Variants in EHD2 observed in about 807,000 individuals in gnomAD.
The protein encoded by EHD2 is EH domain-containing protein 2.
In EHD2, 27 loss-of-function variants were observed where a neutral mutation model predicts 41.0. That is an observed-to-expected ratio of 0.66 (90% CI 0.49 to 0.91). The LOEUF is 0.91. EHD2 is among the 40% of genes least tolerant of loss of function. EHD2 has a pLI of 0.00. For missense variants in EHD2, 673 were observed against 773.9 expected, an observed-to-expected ratio of 0.87 and a Z score of 1.55; for synonymous variants, 342 against 341.0, an observed-to-expected ratio of 1.00 and a Z score of -0.03.
In EHD2 at chr19:47,736,466, T is replaced by C; in HGVS notation, c.1013T>C (p.Ile338Thr). Residue 338 changes from isoleucine (I) to threonine (T), a missense_variant, in exon 5 of 6, where the codon ATC becomes ACC. Physicochemically the swap from Ile to Thr is moderately conservative, Grantham distance 89. Coordinates refer to ENST00000263277, the MANE Select transcript of EHD2 (RefSeq NM_014601.4). ...CAGCTGATCCTCAAACTGCCCGTCA[T>C]CTTTGCGAAGATTCAGCTGGAACAT... is the stretch of plus-strand genomic sequence containing the variant. ...KKQLILKLPVIFAKIQLEHHI... is the reference protein window; with the variant it reads ...KKQLILKLPVTFAKIQLEHHI... 6.2e-7 allele frequency: 1 copy of C among 1,612,944 alleles called. No individual in the cohort carries two copies. The highest frequency in any genetic ancestry group is 8.5e-7 in the Non-Finnish European group (1 of 1,179,586).
rs1966985127 is a variant in EHD2 at position 47,741,218 on chromosome 19, A to G, written c.1418A>G (p.Lys473Arg). The G allele has an allele frequency of 1.2e-6, 2 of 1,613,990 alleles. No homozygotes were observed. The highest frequency in any genetic ancestry group is 2.2e-5 in the East Asian group (1 of 44,894). Residue 473 changes from lysine to arginine, a missense_variant, in exon 6 of 6, where the codon AAG (lysine) becomes AGG (arginine). Lys to Arg is a conservative substitution (Grantham distance 26, BLOSUM62 2). Transcript: ENST00000263277. The surrounding 1 kb of genome is among the most constrained non-coding windows in gnomAD (Gnocchi z 4.5). ...GGCAAGCTGAGCGGCTCCAAGGCCA[A>G]GACCTGGATGGTGGGGACCAAGCTC... ...ADGKLSGSKA[K>R]TWMVGTKLPN...
chr19:47,718,568 C>T lies in EHD2; in HGVS notation c.464C>T (p.Pro155Leu), dbSNP rs374864163. The T allele has an allele frequency of 6.9e-6, 11 of 1,583,790 alleles. No homozygotes were observed. The highest frequency in any genetic ancestry group is 1.8e-5 in the Admixed American group (1 of 54,950). Residue 155 changes from proline to leucine, a missense_variant, in exon 3 of 6, where the codon CCG (proline) becomes CTG (leucine). Coordinates refer to ENST00000263277, the MANE Select transcript of EHD2 (RefSeq NM_014601.4). The part of the protein sequence containing the change: ...VLESISIIDT[P>L]GILSGAKQRV... The stretch of plus-strand genomic sequence containing the variant: ...GAGAGCATCAGCATCATCGACACCC[C>T]GGGTATCCTGTCGGGTGCCAAGCAG...
At chr19:47,722,161 C>T (rs936482079) in intron 3 of EHD2, among the ~76,000 whole-genome samples, 5 of 152,120 alleles carry the variant, frequency 3.3e-5, no homozygotes, top group Admixed American at 2.6e-4. Context: ...ACACAGTAGG[C>T]GCTATGGAAG....
rs556327881 is a variant in EHD2 at position 47,721,877 on chromosome 19, C to T, written c.502+3271C>T. On this transcript the variant is annotated intron_variant, in intron 3 of 5. Coordinates refer to ENST00000263277, the MANE Select transcript of EHD2 (RefSeq NM_014601.4). ...GTGCTTGCCTGTAATCCCACCTACT[C>T]GGGAGGCTGAGGCAGAAGAATTGCT... Among the ~76,000 whole-genome samples the T allele has an allele frequency of 6.6e-5, 10 of 151,840 alleles. 1 individual carries two copies. The highest frequency in any genetic ancestry group is 4.2e-4 in the South Asian group (2 of 4,802).
chr19:47,737,912 A>C (rs1966942656), intron 5 of EHD2, among the ~76,000 whole-genome samples: 1 of 118,780 alleles, frequency 8.4e-6, no homozygotes, highest in Admixed American at 1.1e-4. Context: ...ACAGAGTCTC[A>C]CTCTGTCACC....
rs1218014668 is a variant in EHD2, at chr19:47,736,424, A to G, written c.971A>G (p.Lys324Arg). The change falls in exon 5 of 6, where the codon AAG becomes AGG. Residue 324 changes from lysine (K) to arginine (R), a missense_variant. Physicochemically the swap from Lys to Arg is conservative, Grantham distance 26. Coordinates refer to ENST00000263277, the MANE Select transcript of EHD2 (RefSeq NM_014601.4). ...AAGGAGATGCCCTCTGTGTTTGGGA[A>G]GGAGAACAAGAAGAAGCAGCTGATC... ...LKKEMPSVFG[K>R]ENKKKQLILK... The G allele has an allele frequency of 6.2e-7, 1 of 1,613,340 alleles. No individual in the cohort carries two copies. Among genetic ancestry groups the G allele is most frequent in the Non-Finnish European group, 8.5e-7 (1 of 1,179,756 alleles).
chr19:47,730,390 T>G (rs2123650881), intron 4 of EHD2, among the ~76,000 whole-genome samples: 1 of 151,390 alleles, frequency 6.6e-6, no homozygotes, highest in South Asian at 2.1e-4. Flanking sequence ...CCCCTCTTCC[T>G]GCAGGTTCAT....
chr19:47,726,233 T>C lies in EHD2; in HGVS notation c.915+9T>C. ...GGGCCCGGCTGGTGCGAGTGAGTAG[T>C]CCTGAGGGCTGGGCGCGCATTCTTG... On this transcript the variant is annotated intron_variant, in intron 4 of 5. Coordinates refer to ENST00000263277, the MANE Select transcript of EHD2 (RefSeq NM_014601.4). 2.0e-6 allele frequency: 3 copies of C among 1,478,938 alleles called. No homozygotes were observed. Among genetic ancestry groups the C allele is most frequent in the Non-Finnish European group, 2.7e-6 (3 of 1,112,684 alleles). The allele number at this position is 1,478,938 out of a possible 1,614,324, so 91.6% of individuals were successfully genotyped here.
chr19:47,721,206 C>A (rs908253861), intron 3 of EHD2, among the ~76,000 whole-genome samples: 1 of 151,240 alleles, frequency 6.6e-6, no homozygotes, highest in African/African-American at 2.4e-5. Flanking sequence ...TATGCGAGCT[C>A]ATGTGTGTGG....
rs148949873 is a variant in EHD2, at chr19:47,716,909, C to T, written c.297C>T (p.Ala99=). ...AGCCCACCACCGACTGCTTTGTGGCCGTCATGCACGGGGACACTGAGGGCA... is the reference window on the plus strand; with the variant it reads ...AGCCCACCACCGACTGCTTTGTGGCTGTCATGCACGGGGACACTGAGGGCA... The part of the protein sequence containing the change: ...GPEPTTDCFV[A]VMHGDTEGTV... Residue 99 remains alanine, a synonymous_variant, in exon 2 of 6, where the codon GCC becomes GCT. Coordinates refer to ENST00000263277, the MANE Select transcript of EHD2 (RefSeq NM_014601.4). 9.9e-4 allele frequency: 1,602 copies of T among 1,611,934 alleles called. 1 individual carries two copies. The highest frequency in any genetic ancestry group is 4.0e-3 in the Middle Eastern group (24 of 6,062).
chr19:47,731,124 C>T (rs530669692), intron 4 of EHD2, among the ~76,000 whole-genome samples: 31 of 150,806 alleles, frequency 2.1e-4, no homozygotes, highest in South Asian at 1.3e-3. Flanking sequence ...TGCAAAGGCC[C>T]TGGGGCAGCC....
At chr19:47,721,852 G>A (rs764948248) in intron 3 of EHD2, among the ~76,000 whole-genome samples, 16 of 151,950 alleles carry the variant, frequency 1.1e-4, no homozygotes, top group Non-Finnish European at 2.2e-4. Context: ...GGGTGTGGTG[G>A]TGCTTGCCTG....
At position 47,740,819 on chromosome 19, in the gene EHD2, C is replaced by T. The variant is rs986476139; in HGVS notation, c.1081-62C>T. On this transcript the variant is annotated intron_variant, in intron 5 of 5. Coordinates refer to ENST00000263277, the MANE Select transcript of EHD2 (RefSeq NM_014601.4). ...TCTCCAGTGTCCTGATACCACCTTG[C>T]AGCCTGAGGGCCTCAGGGATGGCGC... The T allele has an allele frequency of 9.7e-6, 15 of 1,552,574 alleles. No homozygotes were observed. The African/African-American group carries it at 1.8e-4, about 19-fold the overall frequency.
intron 4 of EHD2, among the ~76,000 whole-genome samples, chr19:47,727,925 G>A (rs1432157516): frequency 9.9e-5 from 15 of 151,696 alleles, no homozygotes; most frequent in African/African-American, 1.9e-4. Flanking sequence ...GTGAAACTGC[G>A]TCTCTACTAA....
intron 4 of EHD2, among the ~76,000 whole-genome samples, chr19:47,735,264 A>G (rs879335283): frequency 3.3e-5 from 5 of 151,966 alleles, no homozygotes; most frequent in Non-Finnish European, 4.4e-5. Context: ...CTGGAGGGAG[A>G]GGCTTAGGCT....
At chr19:47,717,159 TG>T in intron 2 of EHD2, 143 bp downstream of exon 2, 1 of 1,078,786 alleles carries the variant, frequency 9.3e-7, no homozygotes, top group Non-Finnish European at 1.3e-6. Context: ...GCAATTCTCC[TG>T]CCTCAGCCAC....
intron 3 of EHD2, among the ~76,000 whole-genome samples, chr19:47,718,854 G>A (rs973313046): frequency 1.4e-5 from 2 of 141,486 alleles, no homozygotes; most frequent in African/African-American, 2.9e-5. Flanking sequence ...GTCTGAGGGA[G>A]GAGGGACTGG....
At chr19:47,731,761 T>A (rs144724510) in intron 4 of EHD2, among the ~76,000 whole-genome samples, 1 of 151,572 alleles carries the variant, frequency 6.6e-6, no homozygotes, top group Non-Finnish European at 1.5e-5. Flanking sequence ...AGTAGTTTCT[T>A]GTGTGTCTTT....
rs778559881 is a variant in EHD2 at position 47,741,034 on chromosome 19, G to A, written c.1234G>A (p.Gly412Ser). 6.2e-7 allele frequency: 1 copy of A among 1,609,944 alleles called. No homozygotes were observed. Among genetic ancestry groups the A allele is most frequent in the Non-Finnish European group, 8.5e-7 (1 of 1,179,676 alleles). ...LESTEVGVQG[G>S]AFEGTHMGPF... Reference sequence around the variant, plus strand: ...GAGCACCGAGGTGGGCGTGCAGGGGGGCGCTTTTGAGGGCACCCACATGGG... The same window carrying A: ...GAGCACCGAGGTGGGCGTGCAGGGGAGCGCTTTTGAGGGCACCCACATGGG... Residue 412 changes from glycine (G) to serine (S), a missense_variant, in exon 6 of 6, where the codon GGC (glycine) becomes AGC (serine). Gly to Ser is a moderately conservative substitution (Grantham distance 56, BLOSUM62 0). Coordinates refer to ENST00000263277, the MANE Select transcript of EHD2 (RefSeq NM_014601.4). This position sits in a 1 kb window ranked among gnomAD's most constrained non-coding sequence, Gnocchi z 4.5.
Sources: gnomAD v4.1 joint callset for allele counts (sites outside exome capture counted in the v4.1 genomes callset) on GRCh38, gnomAD v4.1.1 for gene constraint, Gnocchi (gnomAD v3.1) non-coding constraint, MANE v1.5 for transcripts, NCBI Gene and HGNC (gene_info 2026-07-23, HGNC 2026-07-21) for gene names.